Variants in ASCC3 observed in about 807,000 individuals in gnomAD.
ASCC3 encodes ASC-1 complex subunit P200.
In ASCC3, 158 loss-of-function variants were observed where a neutral mutation model predicts 256.3. That is an observed-to-expected ratio of 0.62 (90% CI 0.54 to 0.70). The LOEUF (loss-of-function observed/expected upper bound fraction) is 0.70, where lower values mean the gene tolerates loss of function less well. ASCC3 is among the 30% of genes least tolerant of loss of function. ASCC3 has a pLI of 0.00. For missense variants in ASCC3, 2,259 were observed against 2,626.0 expected (o/e 0.86, Z 3.05); for synonymous variants, 948 against 883.4 (o/e 1.07, Z -1.30).
intron 11 of ASCC3, among the ~76,000 whole-genome samples, chr6:100,718,711 A>G (rs1384808917): frequency 6.6e-6 from 1 of 152,104 alleles, no homozygotes; most frequent in African/African-American, 2.4e-5. Flanking sequence ...GAGCTCCAAC[A>G]TCGGTGACAG....
intron 4 of ASCC3, among the ~76,000 whole-genome samples, chr6:100,821,556 T>C (rs2114423790): frequency 6.6e-6 from 1 of 152,128 alleles, no homozygotes; most frequent in South Asian, 2.1e-4. Flanking sequence ...CAGGGCGTGG[T>C]CATTCACGCC....
chr6:100,640,254 G>T (rs1440048194), intron 24 of ASCC3, among the ~76,000 whole-genome samples: 1 of 152,124 alleles, frequency 6.6e-6, no homozygotes. Context: ...ACTGCATATT[G>T]CATATTTACT....
intron 10 of ASCC3, among the ~76,000 whole-genome samples, chr6:100,735,401 A>G (rs1052558835): frequency 3.3e-5 from 5 of 152,060 alleles, no homozygotes; most frequent in African/African-American, 9.7e-5. Context: ...TTATGAGAAA[A>G]CAGCTTCGTA....
chr6:100,833,137 A>C (rs1208613487), intron 4 of ASCC3, among the ~76,000 whole-genome samples: 1 of 152,186 alleles, frequency 6.6e-6, no homozygotes. Flanking sequence ...AAAACACACA[A>C]CTGTCAAGCC....
At chr6:100,821,312 A>G (rs1222453368) in intron 4 of ASCC3, among the ~76,000 whole-genome samples, 1 of 152,186 alleles carries the variant, frequency 6.6e-6, no homozygotes, top group Non-Finnish European at 1.5e-5. Flanking sequence ...CACCATGTGC[A>G]GCCTCAACAA....
chr6:100,659,541 C>T (rs1314933705), intron 16 of ASCC3, among the ~76,000 whole-genome samples: 3 of 151,448 alleles, frequency 2.0e-5, no homozygotes, highest in Non-Finnish European at 4.4e-5. Flanking sequence ...AGCTGACATT[C>T]CTGAAAATCA....
intron 17 of ASCC3, among the ~76,000 whole-genome samples, 171 bp from the exon 18 acceptor site, chr6:100,653,060 T>C (rs964683964): frequency 2.0e-5 from 3 of 152,190 alleles, no homozygotes; most frequent in Non-Finnish European, 4.4e-5. Context: ...AAATATTTTA[T>C]GCCATTAAAT....
At chr6:100,645,019 AT>A (rs900249731) in intron 22 of ASCC3, among the ~76,000 whole-genome samples, 1 of 152,184 alleles carries the variant, frequency 6.6e-6, no homozygotes, top group Admixed American at 6.5e-5. Flanking sequence ...ATTATGAAAG[AT>A]AATATACTTT....
chr6:100,826,513 T>A (rs1374487400), intron 4 of ASCC3, among the ~76,000 whole-genome samples: 1 of 152,224 alleles, frequency 6.6e-6, no homozygotes, highest in African/African-American at 2.4e-5. Context: ...ATTTTAGTCT[T>A]TTGGAAGCTT....
intron 30 of ASCC3, among the ~76,000 whole-genome samples, chr6:100,618,231 T>C (rs2114840192): frequency 6.6e-6 from 1 of 152,294 alleles, no homozygotes; most frequent in Non-Finnish European, 1.5e-5. Flanking sequence ...AGTATTTCAC[T>C]GTCACTTTAC....
chr6:100,611,505 G>C (rs1025379219), intron 30 of ASCC3, among the ~76,000 whole-genome samples: 1 of 151,978 alleles, frequency 6.6e-6, no homozygotes, highest in African/African-American at 2.4e-5. Flanking sequence ...CATGACAATA[G>C]ATATAATTTG....
intron 22 of ASCC3, among the ~76,000 whole-genome samples, chr6:100,645,277 T>C (rs1168215314): frequency 3.9e-5 from 6 of 152,078 alleles, no homozygotes; most frequent in African/African-American, 1.2e-4. Context: ...TATATTTATG[T>C]GAAACTTTAT....
rs1772843601 is a variant in ASCC3 at position 100,605,625 on chromosome 6, T to C, written c.5120A>G (p.Asp1707Gly). ...DQGKAVILVHDIKKDFYKKFL... is the reference protein window; with the variant it reads ...DQGKAVILVHGIKKDFYKKFL... ...TTTTTTATAAAAGTCTTTCTTTATG[T>C]CATGAACTAGAATTACAGCTTTGCC... is the stretch of plus-strand genomic sequence containing the variant. The change falls in exon 33 of 42, where the codon GAC (aspartate) becomes GGC (glycine). Residue 1707 changes from aspartate (D) to glycine (G), a missense_variant. Physicochemically the swap from Asp to Gly is moderately conservative, Grantham distance 94 (BLOSUM62 -1). This residue lies in a region of ASCC3 where 1,839 missense variants were observed against 2,206.7 expected (regional missense o/e 0.83). Coordinates refer to ENST00000369162, the MANE Select transcript of ASCC3 (RefSeq NM_006828.4). 1 of 1,598,724 alleles carries C rather than the reference T, an allele frequency of 6.3e-7. No homozygotes were observed. Among genetic ancestry groups the C allele is most frequent in the South Asian group, 1.1e-5 (1 of 90,690 alleles).
chr6:100,534,032 T>TA (rs1166605822), intron 37 of ASCC3, among the ~76,000 whole-genome samples: 8 of 152,078 alleles, frequency 5.3e-5, no homozygotes, highest in African/African-American at 1.9e-4. Context: ...CCTGTAGTCC[T>TA]AGAAGTTTGA....
rs372610820 is a variant in ASCC3, at chr6:100,666,202, C to T, written c.2287-3666G>A. ...CACGGTACTACAGATGGGCACATTA[C>T]AGTCTGTTAATCGGACCTCTCACTG... is the stretch of plus-strand genomic sequence containing the variant. On this transcript the variant is annotated intron_variant, in intron 14 of 41. Transcript: ENST00000369162. Among the ~76,000 whole-genome samples, 18 of 152,234 alleles carry T rather than the reference C, an allele frequency of 1.2e-4. No homozygotes were observed. In the East Asian group the frequency reaches 2.5e-3, roughly 21 times the overall value.
rs545695323 is a variant in ASCC3, at chr6:100,754,731, C to A, written c.1737+11834G>T. ...CTGATATGGTATGGCTGTGTCACCA[C>A]CCAAATCTTATCTTGAATTGTAGCT... is the stretch of plus-strand genomic sequence containing the variant. On this transcript the variant is annotated intron_variant, in intron 10 of 41. Coordinates refer to ENST00000369162, the MANE Select transcript of ASCC3 (RefSeq NM_006828.4). 3.9e-5 allele frequency among the ~76,000 whole-genome samples: 6 copies of A among 152,252 alleles called. 1 individual carries two copies. The South Asian group carries it at 1.0e-3, about 26-fold the overall frequency.
At chr6:100,620,843 T>C (rs1267094801) in intron 30 of ASCC3, among the ~76,000 whole-genome samples, 1 of 152,132 alleles carries the variant, frequency 6.6e-6, no homozygotes, top group Non-Finnish European at 1.5e-5. Context: ...CACACAAAGA[T>C]TAAAATGTTA....
chr6:100,628,949 A>T (rs760999832), intron 27 of ASCC3, 66 bp downstream of exon 27: 7 of 1,388,006 alleles, frequency 5.0e-6, no homozygotes, highest in Non-Finnish European at 7.0e-6. Flanking sequence ...CAAATTAAAA[A>T]TACTAATAAT....
intron 3 of ASCC3, among the ~76,000 whole-genome samples, chr6:100,853,476 C>T (rs1010075899): frequency 6.6e-5 from 9 of 136,546 alleles, no homozygotes; most frequent in African/African-American, 2.5e-4. Context: ...GGTTGGAGTG[C>T]AGTTTTGAGA....
Sources: gnomAD v4.1 joint callset for allele counts (sites outside exome capture counted in the v4.1 genomes callset) on GRCh38, gnomAD v4.1.1 for gene constraint, gnomAD v4.1.1 regional missense constraint, MANE v1.5 for transcripts, NCBI Gene and HGNC (gene_info 2026-07-23, HGNC 2026-07-21) for gene names.